The following MYO9B variants were observed in gnomAD, a reference collection of about 807,000 sequenced individuals.
MYO9B encodes the protein unconventional myosin-IXb.
MYO9B carries 71 observed loss-of-function variants against 229.5 expected under a neutral mutation model. The observed-to-expected ratio is 0.31, with a 90% CI of 0.26 to 0.38. The LOEUF (loss-of-function observed/expected upper bound fraction) is 0.38, where lower values mean the gene tolerates loss of function less well. MYO9B is among the 10% of genes least tolerant of loss of function. MYO9B has a pLI of 1.00. For missense variants in MYO9B, 2,255 were observed against 2,920.5 expected (o/e 0.77, Z 5.25); for synonymous variants, 1,185 against 1,235.8 (o/e 0.96, Z 0.86).
intron 2 of MYO9B, among the ~76,000 whole-genome samples, chr19:17,142,689 G>A (rs1015422859): frequency 5.9e-5 from 9 of 152,110 alleles, no homozygotes; most frequent in African/African-American, 1.7e-4. Context: ...GGCATGTACC[G>A]ATAAAACTTC....
intron 3 of MYO9B, among the ~76,000 whole-genome samples, 184 bp downstream of exon 3, chr19:17,145,675 A>G (rs1036526812): frequency 3.9e-5 from 6 of 152,042 alleles, no homozygotes; most frequent in Non-Finnish European, 8.8e-5. Context: ...GAAGTAGGAA[A>G]TGTGGGCAGG....
chr19:17,112,797 G>A (rs2057861139), intron 2 of MYO9B, among the ~76,000 whole-genome samples: 1 of 152,248 alleles, frequency 6.6e-6, no homozygotes. Flanking sequence ...AGAGGGGTCA[G>A]GGACAGACAG....
intron 2 of MYO9B, among the ~76,000 whole-genome samples, chr19:17,133,404 T>C (rs1210749446): frequency 1.3e-5 from 2 of 152,138 alleles, no homozygotes; most frequent in Non-Finnish European, 2.9e-5. Context: ...TTTATATCCT[T>C]TGACCAGCAT....
At chr19:17,182,057 A>G (rs2072867483) in intron 15 of MYO9B, among the ~76,000 whole-genome samples, 1 of 147,808 alleles carries the variant, frequency 6.8e-6, no homozygotes, top group Non-Finnish European at 1.5e-5. Context: ...GATTACAGGC[A>G]TGATTCACCG....
chr19:17,209,211 A>G (rs1464682547), intron 35 of MYO9B, among the ~76,000 whole-genome samples: 2 of 152,212 alleles, frequency 1.3e-5, no homozygotes, highest in Non-Finnish European at 2.9e-5. Context: ...TTGACCACCA[A>G]GTGGGCATAC....
intron 2 of MYO9B, among the ~76,000 whole-genome samples, chr19:17,117,296 C>T (rs1221977004): frequency 6.6e-6 from 1 of 152,202 alleles, no homozygotes; most frequent in Non-Finnish European, 1.5e-5. Flanking sequence ...CAGGCCTCGC[C>T]CTGGGCAGCT....
intron 11 of MYO9B, among the ~76,000 whole-genome samples, chr19:17,169,002 G>C (rs934804436): frequency 4.6e-5 from 7 of 152,186 alleles, no homozygotes; most frequent in African/African-American, 1.7e-4. Context: ...CTTTCCTGTG[G>C]CTCCTCTAAG....
intron 24 of MYO9B, among the ~76,000 whole-genome samples, chr19:17,198,729 C>T (rs1468435563): frequency 7.5e-5 from 9 of 120,136 alleles, no homozygotes; most frequent in Middle Eastern, 5.2e-3. Flanking sequence ...AGGGAGACTC[C>T]GTCTCAAAAA....
intron 7 of MYO9B, among the ~76,000 whole-genome samples, chr19:17,158,837 C>T (rs894108592): frequency 1.1e-4 from 17 of 152,206 alleles, no homozygotes; most frequent in African/African-American, 3.9e-4. Flanking sequence ...ACCCGGGCCA[C>T]GGAGCATGAG....
intron 15 of MYO9B, 152 bp from the exon 16 acceptor site, chr19:17,183,677 G>A (rs2145413976): frequency 1.6e-6 from 1 of 628,512 alleles, no homozygotes; most frequent in East Asian, 2.8e-5. Flanking sequence ...GCGTGGAGAG[G>A]TGGCGGTGGC....
At chr19:17,198,112 T>TGCAGGG in intron 23 of MYO9B, 72 bp from the exon 24 acceptor site, 1 of 1,591,260 alleles carries the variant, frequency 6.3e-7, no homozygotes, top group Non-Finnish European at 8.5e-7. Context: ...TGTAAATGCC[T>TGCAGGG]GCAGGGGCTT....
intron 2 of MYO9B, among the ~76,000 whole-genome samples, chr19:17,143,690 G>GA (rs546843355): frequency 1.3e-5 from 2 of 152,030 alleles, no homozygotes; most frequent in Non-Finnish European, 2.9e-5. Context: ...TGAGAGGCCG[G>GA]GGCGGGCAGA....
At chr19:17,143,147 G>A (rs571395442) in intron 2 of MYO9B, among the ~76,000 whole-genome samples, 115 of 152,192 alleles carry the variant, frequency 7.6e-4, no homozygotes, top group South Asian at 1.2e-3. Context: ...GGTGAGGCAC[G>A]AGAATCGCTT....
intron 24 of MYO9B, among the ~76,000 whole-genome samples, chr19:17,199,205 A>G (rs2073079423): frequency 8.3e-6 from 1 of 120,416 alleles, no homozygotes; most frequent in African/African-American, 3.2e-5. Context: ...TCTGTCTCAA[A>G]AAAACTTTTT....
chr19:17,182,020 G>A (rs143741321), intron 15 of MYO9B, among the ~76,000 whole-genome samples: 155 of 150,118 alleles, frequency 1.0e-3, no homozygotes, highest in African/African-American at 3.5e-3. Context: ...CAGGTGATCC[G>A]TCTGTCTTGG....
intron 35 of MYO9B, 135 bp downstream of exon 35, chr19:17,207,379 C>T: frequency 2.4e-6 from 3 of 1,262,274 alleles, no homozygotes; most frequent in Non-Finnish European, 3.2e-6. Flanking sequence ...CACCTGTAAT[C>T]CTAGCTACTT....
In MYO9B at chr19:17,211,780, T is replaced by C; in HGVS notation, c.6058+6T>C. 1 of 1,612,230 alleles carries C rather than the reference T, an allele frequency of 6.2e-7. No homozygotes were observed. The highest frequency in any genetic ancestry group is 2.2e-5 in the East Asian group (1 of 44,758). On this transcript the variant is annotated splice_donor_region_variant and intron_variant, in intron 39 of 39. Coordinates refer to ENST00000682292, the MANE Select transcript of MYO9B (RefSeq NM_004145.4). ...CGGGCGGGGGGCCTCGGAAGGTCAG[T>C]ATTAAGGTAGCGTCTGCTTTTCTCC...
rs1046772580 is a variant in MYO9B, at chr19:17,202,268, C to T, written c.4801C>T (p.Arg1601Cys). The T allele has an allele frequency of 4.4e-6, 7 of 1,585,156 alleles. No homozygotes were observed. The highest frequency in any genetic ancestry group is 6.0e-6 in the Non-Finnish European group (7 of 1,167,638). ...LFQSLLDEFT[R>C]GYTKNDFEPV... is the part of the protein sequence containing the mutation. Reference sequence around the variant, plus strand: ...CCAGTCACTGCTAGATGAGTTCACCCGTGGCTACACCAAGAACGACTTCGA... The same window carrying T: ...CCAGTCACTGCTAGATGAGTTCACCTGTGGCTACACCAAGAACGACTTCGA... The change falls in exon 28 of 40, where the codon CGT (arginine) becomes TGT (cysteine). Residue 1601 changes from arginine (R) to cysteine (C), a missense_variant. Around this residue, in one of 7 missense-constraint regions of MYO9B, gnomAD observed 416 missense variants for 605.5 expected, o/e 0.69. Transcript: ENST00000682292.
chr19:17,106,708 G>A (rs1334910159), intron 2 of MYO9B, among the ~76,000 whole-genome samples: 4 of 152,264 alleles, frequency 2.6e-5, no homozygotes, highest in East Asian at 1.9e-4. Context: ...GGAGGATTGC[G>A]TGAGCCTAGG....
Sources: gnomAD v4.1 joint callset for allele counts (sites outside exome capture counted in the v4.1 genomes callset) on GRCh38, gnomAD v4.1.1 for gene constraint, gnomAD v4.1.1 regional missense constraint, MANE v1.5 for transcripts, NCBI Gene and HGNC (gene_info 2026-07-23, HGNC 2026-07-21) for gene names.